GALNTL6: variants seen among roughly 807,000 people sequenced by gnomAD.
The protein encoded by GALNTL6 is polypeptide N-acetylgalactosaminyltransferase like 6, also known as polypeptide N-acetylgalactosaminyltransferase-like 6.
A neutral mutation model predicts 73.7 loss-of-function variants in GALNTL6; 46 were observed. That is an observed-to-expected ratio of 0.62 (90% CI 0.49 to 0.80). The LOEUF (loss-of-function observed/expected upper bound fraction) is 0.80, where lower values mean the gene tolerates loss of function less well. Among genes scored for constraint, GALNTL6 ranks in the 30% least tolerant of loss-of-function variants. GALNTL6 has a pLI of 0.00. For missense variants in GALNTL6, 604 were observed against 755.0 expected (o/e 0.80, Z 2.34); for synonymous variants, 259 against 263.7 (o/e 0.98, Z 0.17).
At chr4:172,900,456 A>G (rs1746568533) in intron 8 of GALNTL6, among the ~76,000 whole-genome samples, 1 of 152,128 alleles carries the variant, frequency 6.6e-6, no homozygotes, top group Non-Finnish European at 1.5e-5. Flanking sequence ...GGTTTCTCTC[A>G]TTAAGAGTAG....
intron 5 of GALNTL6, among the ~76,000 whole-genome samples, chr4:172,747,828 A>G (rs1258571571): frequency 1.5e-5 from 2 of 129,418 alleles, no homozygotes; most frequent in Non-Finnish European, 3.4e-5. Context: ...GAATTGTGCT[A>G]TTCAGCTTCA....
chr4:172,420,054 A>T (rs1049147523), intron 5 of GALNTL6, among the ~76,000 whole-genome samples: 2 of 152,214 alleles, frequency 1.3e-5, no homozygotes, highest in Non-Finnish European at 2.9e-5. Context: ...TCGTACCATT[A>T]TGTGCTTATT....
At chr4:172,082,278 AT>A (rs1220727577) in intron 2 of GALNTL6, among the ~76,000 whole-genome samples, 1 of 152,222 alleles carries the variant, frequency 6.6e-6, no homozygotes, top group African/African-American at 2.4e-5. Flanking sequence ...AAAATACCAA[AT>A]TCTGTTGTAC....
At chr4:172,387,512 A>G (rs1743515045) in intron 5 of GALNTL6, among the ~76,000 whole-genome samples, 1 of 152,106 alleles carries the variant, frequency 6.6e-6, no homozygotes, top group Non-Finnish European at 1.5e-5. Flanking sequence ...TGTTAATCTT[A>G]TTGAAGATAC....
intron 2 of GALNTL6, among the ~76,000 whole-genome samples, chr4:172,228,881 A>T (rs1406298324): frequency 2.0e-5 from 3 of 152,236 alleles, no homozygotes; most frequent in African/African-American, 7.2e-5. Flanking sequence ...TTGACATTAT[A>T]ACATATCGGA....
At chr4:172,035,773 G>C (rs1741913853) in intron 2 of GALNTL6, among the ~76,000 whole-genome samples, 1 of 152,120 alleles carries the variant, frequency 6.6e-6, no homozygotes, top group Non-Finnish European at 1.5e-5. Context: ...CCAGTGAACA[G>C]TGCTTTAATA....
At chr4:172,330,124 C>T (rs1294530889) in intron 4 of GALNTL6, among the ~76,000 whole-genome samples, 1 of 152,218 alleles carries the variant, frequency 6.6e-6, no homozygotes, top group African/African-American at 2.4e-5. Flanking sequence ...GAGGATTCAT[C>T]CCCTTTTCTA....
At chr4:172,118,225 T>A (rs1733039610) in intron 2 of GALNTL6, among the ~76,000 whole-genome samples, 1 of 152,200 alleles carries the variant, frequency 6.6e-6, no homozygotes. Flanking sequence ...ATACTTGGAA[T>A]TTTTAATTTG....
intron 5 of GALNTL6, among the ~76,000 whole-genome samples, chr4:172,709,791 G>A (rs1324082937): frequency 1.3e-5 from 2 of 152,078 alleles, no homozygotes; most frequent in Non-Finnish European, 2.9e-5. Flanking sequence ...AGACAATAGG[G>A]TGTTTTGAAA....
chr4:172,369,355 T>A (rs1191016594), intron 5 of GALNTL6, among the ~76,000 whole-genome samples: 1 of 152,190 alleles, frequency 6.6e-6, no homozygotes, highest in Non-Finnish European at 1.5e-5. Flanking sequence ...GCATTCACAA[T>A]CCTTTAGCTA....
intron 5 of GALNTL6, among the ~76,000 whole-genome samples, chr4:172,574,548 A>G (rs1338274332): frequency 6.6e-6 from 1 of 151,818 alleles, no homozygotes; most frequent in Non-Finnish European, 1.5e-5. Flanking sequence ...ACAAAAAAAG[A>G]TCCTCTAATA....
intron 10 of GALNTL6, among the ~76,000 whole-genome samples, chr4:172,985,174 G>A (rs1460358201): frequency 6.6e-6 from 1 of 152,134 alleles, no homozygotes; most frequent in African/African-American, 2.4e-5. Context: ...AGAGATTTGA[G>A]AGAGAAATGA....
At chr4:172,339,806 A>G (rs1442756623) in intron 4 of GALNTL6, among the ~76,000 whole-genome samples, 1 of 152,162 alleles carries the variant, frequency 6.6e-6, no homozygotes, top group African/African-American at 2.4e-5. Flanking sequence ...CACTTTTGAC[A>G]GCCAGATGCT....
At chr4:172,379,837 T>C (rs934468798) in intron 5 of GALNTL6, among the ~76,000 whole-genome samples, 8 of 152,142 alleles carry the variant, frequency 5.3e-5, no homozygotes, top group African/African-American at 1.9e-4. Context: ...TTCTAGCCTC[T>C]GCTCATACTT....
intron 8 of GALNTL6, among the ~76,000 whole-genome samples, chr4:172,902,468 T>A (rs1393657158): frequency 6.6e-6 from 1 of 152,174 alleles, no homozygotes; most frequent in Non-Finnish European, 1.5e-5. Context: ...ACACCAAATC[T>A]GGTTTCCACT....
intron 5 of GALNTL6, among the ~76,000 whole-genome samples, chr4:172,362,000 A>T (rs1234902822): frequency 6.6e-6 from 1 of 152,154 alleles, no homozygotes; most frequent in Non-Finnish European, 1.5e-5. Context: ...CCGGCTATAA[A>T]ATTATAGAAT....
chr4:172,999,812 C>T (rs912350108), intron 10 of GALNTL6, among the ~76,000 whole-genome samples: 6 of 151,646 alleles, frequency 4.0e-5, no homozygotes. Flanking sequence ...TGGATACATT[C>T]TATCATTAGT....
intron 5 of GALNTL6, among the ~76,000 whole-genome samples, chr4:172,429,052 G>C (rs1410803164): frequency 2.0e-5 from 3 of 151,974 alleles, no homozygotes; most frequent in African/African-American, 4.8e-5. Flanking sequence ...TCTTCTCACT[G>C]TCTTCACCTA....
chr4:171,936,465 G>A (rs1054154441), intron 2 of GALNTL6, among the ~76,000 whole-genome samples: 1 of 152,038 alleles, frequency 6.6e-6, no homozygotes, highest in South Asian at 2.1e-4. Context: ...GAACATTTTT[G>A]TAAGATATGG....
Sources: allele counts gnomAD v4.1 joint callset (sites outside exome capture counted in the v4.1 genomes callset), GRCh38; gene constraint gnomAD v4.1.1; transcripts MANE v1.5; gene names NCBI Gene and HGNC (gene_info 2026-07-23, HGNC 2026-07-21).